DNAI3: variants seen among roughly 807,000 people sequenced by gnomAD.
DNAI3 encodes WD repeat domain 63.
Under a neutral mutation model 115.5 loss-of-function variants are expected in DNAI3, and 83 were observed. That is an observed-to-expected ratio of 0.72 (90% CI 0.60 to 0.86). The LOEUF (loss-of-function observed/expected upper bound fraction) is 0.86. Ranked by LOEUF, DNAI3 falls within the 40% of genes least tolerant of loss-of-function variation. The pLI is 0.00. For missense variants in DNAI3, 1,004 were observed against 1,075.8 expected (o/e 0.93, Z 0.93); for synonymous variants, 320 against 347.0 (o/e 0.92, Z 0.86).
Position 85,109,920 on chromosome 1 carries a change from G to T in DNAI3, c.1699-128G>T, listed in dbSNP as rs1218786249. On this transcript the variant is annotated intron_variant, in intron 15 of 22. Coordinates refer to ENST00000294664, the MANE Select transcript of DNAI3 (RefSeq NM_145172.5). ...GAAACTAGAAATTTGAGGGAGGAAA[G>T]GGAAGGAAGAAAAAAAAGGAGGTGG... 8 of 801,164 alleles carry T rather than the reference G, an allele frequency of 1.0e-5. No homozygotes were observed. In the South Asian group the frequency reaches 1.3e-4, roughly 13 times the overall value. The allele number at this position is 801,164 out of a possible 1,614,324, so 49.6% of individuals were successfully genotyped here.
At chr1:85,085,493 A>G (rs1654775288) in intron 6 of DNAI3, among the ~76,000 whole-genome samples, 1 of 152,218 alleles carries the variant, frequency 6.6e-6, no homozygotes, top group Non-Finnish European at 1.5e-5. Context: ...GCCAAACCCA[A>G]AGAGGTACTC....
intron 1 of DNAI3, among the ~76,000 whole-genome samples, chr1:85,069,722 A>T (rs1039717918): frequency 6.6e-6 from 1 of 152,080 alleles, no homozygotes; most frequent in Non-Finnish European, 1.5e-5. Context: ...TCTTGGGGAA[A>T]AAAAGAAAGT....
At chr1:85,106,412 G>A (rs1328803474) in intron 14 of DNAI3, among the ~76,000 whole-genome samples, 1 of 152,128 alleles carries the variant, frequency 6.6e-6, no homozygotes, top group Non-Finnish European at 1.5e-5. Flanking sequence ...CTCTTACCAT[G>A]CAACAATAAA....
intron 13 of DNAI3, among the ~76,000 whole-genome samples, chr1:85,100,478 T>C (rs1250734227): frequency 6.6e-6 from 1 of 152,108 alleles, no homozygotes; most frequent in Non-Finnish European, 1.5e-5. Flanking sequence ...AAACAACAGA[T>C]GCTGGAGAGG....
At chr1:85,081,149 T>C (rs1654621203) in intron 3 of DNAI3, 85 bp from the exon 4 acceptor site, 33 of 1,153,616 alleles carry the variant, frequency 2.9e-5, no homozygotes, top group Non-Finnish European at 3.5e-5. Flanking sequence ...AAGATAATTA[T>C]TAAAACCAAG....
chr1:85,124,348 G>T lies in DNAI3; in HGVS notation c.2112+97G>T, dbSNP rs817473. The T allele has an allele frequency of 5.8e-6, 9 of 1,561,252 alleles. No homozygotes were observed. In the East Asian group the frequency reaches 1.8e-4, roughly 31 times the overall value. On this transcript the variant is annotated intron_variant, in intron 19 of 22. Coordinates refer to ENST00000294664, the MANE Select transcript of DNAI3 (RefSeq NM_145172.5). ...TGTTCTGACATAATAGTGCCTTTGGGACACTTTTTAGAGAAATTAGAACAG... is the reference window on the plus strand; with the variant it reads ...TGTTCTGACATAATAGTGCCTTTGGTACACTTTTTAGAGAAATTAGAACAG...
At chr1:85,072,130 A>T in intron 2 of DNAI3, 125 bp downstream of exon 2, 4 of 911,648 alleles carry the variant, frequency 4.4e-6, no homozygotes, top group Non-Finnish European at 6.6e-6. Flanking sequence ...AGTCAAATGT[A>T]TGAGGAATAA....
chr1:85,103,289 G>A (rs1026469), intron 13 of DNAI3, among the ~76,000 whole-genome samples: 50,645 of 151,970 alleles, frequency 0.33, 8,879 homozygotes, highest in South Asian at 0.42. Flanking sequence ...GAGAGCTAGT[G>A]GGTTGGAATT....
Position 85,084,607 on chromosome 1 carries a change from T to C in DNAI3, c.452T>C (p.Ile151Thr), listed in dbSNP as rs1400791253. Residue 151 changes from isoleucine (I) to threonine (T), a missense_variant, in exon 6 of 23, where the codon ATT becomes ACT. Physicochemically the swap from Ile to Thr is moderately conservative, Grantham distance 89. This residue lies in a region of DNAI3 where 550 missense variants were observed against 568.1 expected (regional missense o/e 0.97). Coordinates refer to ENST00000294664, the MANE Select transcript of DNAI3 (RefSeq NM_145172.5). Reference protein sequence around the residue: ...YKEHIPEDVYIYKPPVSKPWV... With the variant: ...YKEHIPEDVYTYKPPVSKPWV... Reference sequence around the variant, plus strand: ...GAACATATTCCTGAAGATGTGTATATTTATAAACCACCTGTCTCTAAACCA... The same window carrying C: ...GAACATATTCCTGAAGATGTGTATACTTATAAACCACCTGTCTCTAAACCA... The C allele has an allele frequency of 1.3e-6, 2 of 1,576,688 alleles. No individual in the cohort carries two copies. Among genetic ancestry groups the C allele is most frequent in the Non-Finnish European group, 1.7e-6 (2 of 1,163,140 alleles).
chr1:85,096,705 G>C (rs12074402), intron 11 of DNAI3, among the ~76,000 whole-genome samples: 4 of 151,898 alleles, frequency 2.6e-5, no homozygotes, highest in African/African-American at 9.7e-5. Flanking sequence ...CCATCAAAAG[G>C]GTATATGATT....
Position 85,097,616 on chromosome 1 carries a change from T to G in DNAI3, c.1311T>G (p.Ile437Met), listed in dbSNP as rs1655161759. The G allele has an allele frequency of 6.2e-7, 1 of 1,612,976 alleles. No homozygotes were observed. Among genetic ancestry groups the G allele is most frequent in the Admixed American group, 1.7e-5 (1 of 59,888 alleles). The change falls in exon 12 of 23, where the codon ATT (isoleucine) becomes ATG (methionine). Residue 437 changes from isoleucine (I) to methionine (M), a missense_variant. By Grantham distance (10) the Ile-to-Met change is conservative. This residue lies in a region of DNAI3 where 550 missense variants were observed against 568.1 expected (regional missense o/e 0.97). Coordinates refer to ENST00000294664, the MANE Select transcript of DNAI3 (RefSeq NM_145172.5). ...ITAHADRIEN[I>M]KAGGSRSKRA... is the part of the protein sequence containing the mutation. ...CACATGCAGATCGCATAGAAAACAT[T>G]AAGGCAGGTGGTAGTAGAAGTAAAA...
intron 18 of DNAI3, among the ~76,000 whole-genome samples, chr1:85,122,333 G>A (rs78967622): frequency 1.3e-5 from 2 of 151,984 alleles, no homozygotes; most frequent in Admixed American, 1.3e-4. Flanking sequence ...TATGTCTGCT[G>A]CTCCCAGGAC....
At chr1:85,104,474 A>C in intron 13 of DNAI3, 50 bp from the exon 14 acceptor site, 1 of 1,448,478 alleles carries the variant, frequency 6.9e-7, no homozygotes, top group East Asian at 2.3e-5. Flanking sequence ...TTAAAAGGTA[A>C]ATAGCTATGA....
intron 1 of DNAI3, among the ~76,000 whole-genome samples, chr1:85,067,588 A>G (rs772426572): frequency 3.3e-5 from 5 of 152,220 alleles, no homozygotes; most frequent in African/African-American, 4.8e-5. Flanking sequence ...TGGATATGTT[A>G]CCATATATGG....
At chr1:85,128,996 G>C (rs1026017450) in intron 21 of DNAI3, among the ~76,000 whole-genome samples, 197 bp downstream of exon 21, 1 of 152,160 alleles carries the variant, frequency 6.6e-6, no homozygotes, top group African/African-American at 2.4e-5. Context: ...ACATGACATG[G>C]GAGGGAAACC....
At chr1:85,084,473 A>ATATAT in intron 5 of DNAI3, 73 bp from the exon 6 acceptor site, 2 of 954,464 alleles carry the variant, frequency 2.1e-6, no homozygotes, top group East Asian at 3.8e-5. Flanking sequence ...TTTGTTGCAA[A>ATATAT]ATATATATAT....
Position 85,133,013 on chromosome 1 carries a change from G to C in DNAI3, c.*15G>C, listed in dbSNP as rs1325418504. ...AGGTGATGTAAAAAAGCTTCCTGAA[G>C]GGGTGTTTTGGGGACTTCTTCCCTC... is the stretch of plus-strand genomic sequence containing the variant. On this transcript the variant is annotated 3_prime_UTR_variant, in exon 23 of 23. Coordinates refer to ENST00000294664, the MANE Select transcript of DNAI3 (RefSeq NM_145172.5). The C allele has an allele frequency of 2.5e-6, 4 of 1,603,220 alleles. No homozygotes were observed. The highest frequency in any genetic ancestry group is 3.4e-6 in the Non-Finnish European group (4 of 1,176,838).
At chr1:85,102,528 T>A (rs2100591123) in intron 13 of DNAI3, among the ~76,000 whole-genome samples, 1 of 152,292 alleles carries the variant, frequency 6.6e-6, no homozygotes, top group African/African-American at 2.4e-5. Flanking sequence ...GCAACAATAA[T>A]GTGCCATTTT....
At chr1:85,081,617 A>G (rs974843365) in intron 4 of DNAI3, among the ~76,000 whole-genome samples, 31 of 152,004 alleles carry the variant, frequency 2.0e-4, no homozygotes, top group African/African-American at 6.8e-4. Flanking sequence ...ATCTAATCCC[A>G]CACCCAGAAA....
Sources: allele counts gnomAD v4.1 joint callset (sites outside exome capture counted in the v4.1 genomes callset), GRCh38; gene constraint gnomAD v4.1.1; regional missense constraint gnomAD v4.1.1; transcripts MANE v1.5; gene names NCBI Gene and HGNC (gene_info 2026-07-23, HGNC 2026-07-21).